Variants in NEK2 observed in about 807,000 individuals in gnomAD.
The protein encoded by NEK2 is serine/threonine-protein kinase Nek2.
Under a neutral mutation model 54.1 loss-of-function variants are expected in NEK2, and 28 were observed. The observed-to-expected ratio is 0.52, with a 90% CI of 0.38 to 0.71. NEK2 has a LOEUF of 0.71. NEK2 is among the 30% of genes least tolerant of loss of function. The pLI is 0.00. For synonymous variants in NEK2, 176 were observed against 193.1 expected (o/e 0.91, Z 0.73); for missense variants, 407 against 531.5 (o/e 0.77, Z 2.30).
rs1655465491 is a variant in NEK2, at chr1:211,673,482, C to T, written c.555+1G>A. On this transcript the variant is annotated splice_donor_variant, in intron 3 of 7. Transcript: ENST00000366999. LOFTEE classifies it high-confidence loss of function. ...AAGTAGCTAAATTCTGAAATACTTA[C>T]AGGAGACATGTAATAAGGTGTGCCA... 1 of 1,613,388 alleles carries T rather than the reference C, an allele frequency of 6.2e-7. No homozygotes were observed. Among genetic ancestry groups the T allele is most frequent in the Non-Finnish European group, 8.5e-7 (1 of 1,179,356 alleles).
In NEK2 at chr1:211,668,815, C is replaced by T. The variant is rs762154244; in HGVS notation, c.985+298G>A. On this transcript the variant is annotated intron_variant, in intron 6 of 7. Coordinates refer to ENST00000366999, the MANE Select transcript of NEK2 (RefSeq NM_002497.4). ...AACATTAGGGTATTCACAGTAGAGA[C>T]GAAAAAGAAAAAAGTAACTCTAGAG... Among the ~76,000 whole-genome samples the T allele has an allele frequency of 1.9e-4, 29 of 151,574 alleles. 1 individual carries two copies. Among genetic ancestry groups the T allele is most frequent in the South Asian group, 1.0e-3 (5 of 4,788 alleles).
chr1:211,662,370 C>T (rs1037114218), downstream of NEK2, among the ~76,000 whole-genome samples: 7 of 152,164 alleles, frequency 4.6e-5, no homozygotes, highest in Non-Finnish European at 7.3e-5. The surrounding 1 kb of genome is among the most constrained non-coding windows in gnomAD (Gnocchi z 4.2). Flanking sequence ...GGATTTTGGT[C>T]TTTCAGGATT....
chr1:211,661,374 G>A (rs375711296), downstream of NEK2: 3 of 349,072 alleles, frequency 8.6e-6, no homozygotes, highest in East Asian at 6.1e-5. Context: ...AATGCATTGG[G>A]CTGAATGGAA....
At chr1:211,660,814 C>G (rs1655001764), downstream of NEK2, 2 of 704,140 alleles carry the variant, frequency 2.8e-6, no homozygotes, top group South Asian at 2.8e-5. Context: ...CTGCTCCCAA[C>G]AACAGAGCTT....
intron 5 of NEK2, among the ~76,000 whole-genome samples, 154 bp downstream of exon 5, chr1:211,670,127 T>C (rs1655323913): frequency 6.6e-6 from 1 of 152,200 alleles, no homozygotes; most frequent in East Asian, 1.9e-4. Flanking sequence ...TTTGCCAAAT[T>C]TACATATGTT....
chr1:211,673,188 C>T (rs189022892), intron 3 of NEK2, among the ~76,000 whole-genome samples: 51 of 152,140 alleles, frequency 3.4e-4, no homozygotes, highest in Non-Finnish European at 5.6e-4. Flanking sequence ...GTGAGCAGAT[C>T]GCTTGAGGTC....
intron 7 of NEK2, 98 bp downstream of exon 7, chr1:211,667,008 T>C: frequency 6.5e-7 from 1 of 1,548,890 alleles, no homozygotes; most frequent in Non-Finnish European, 8.7e-7. Context: ...TTGAGATTTG[T>C]AAATGAAAAG....
At chr1:211,661,193 G>A (rs1655010325), downstream of NEK2, 2 of 731,614 alleles carry the variant, frequency 2.7e-6, no homozygotes, top group Non-Finnish European at 2.6e-6. Context: ...TCCGGGAGAA[G>A]TGCTGAATGA....
At chr1:211,667,339 G>A in intron 6 of NEK2, 108 bp from the exon 7 acceptor site, 2 of 1,048,100 alleles carry the variant, frequency 1.9e-6, no homozygotes, top group East Asian at 5.1e-5. Flanking sequence ...ATACTGATAA[G>A]CAATGTTTGG....
intron 3 of NEK2, among the ~76,000 whole-genome samples, chr1:211,671,515 T>G (rs1393900686): frequency 6.6e-6 from 1 of 152,228 alleles, no homozygotes; most frequent in East Asian, 1.9e-4. Flanking sequence ...GTGCTTAGTA[T>G]AGACTAGGCA....
At chr1:211,658,275 ATATT>A (rs1354217077), downstream of NEK2, among the ~76,000 whole-genome samples, 3 of 152,090 alleles carry the variant, frequency 2.0e-5, no homozygotes, top group Non-Finnish European at 4.4e-5. Flanking sequence ...TCTTTAAAAG[ATATT>A]TATTTACTTT....
chr1:211,672,913 C>T (rs74137759), intron 3 of NEK2, among the ~76,000 whole-genome samples: 378 of 152,050 alleles, frequency 2.5e-3, no homozygotes, highest in African/African-American at 8.7e-3. Flanking sequence ...AGATGACAAA[C>T]GGCGCAAACC....
rs894513245 is a variant in NEK2, at chr1:211,667,249, A to G, written c.986-18T>C. On this transcript the variant is annotated intron_variant, in intron 6 of 7. Transcript: ENST00000366999. ...TTCTTTCTCTTTAAAAAGAGAATGG[A>G]CAAAGAAAAAAAAATTAACAACTGA... The G allele has an allele frequency of 6.4e-7, 1 of 1,565,008 alleles. No individual in the cohort carries two copies. The highest frequency in any genetic ancestry group is 8.6e-7 in the Non-Finnish European group (1 of 1,157,780).
chr1:211,673,622 T>C lies in NEK2; in HGVS notation c.416A>G (p.His139Arg), dbSNP rs746620317. The change falls in exon 3 of 8, where the codon CAT (histidine) becomes CGT (arginine). Residue 139 changes from histidine to arginine, a missense_variant. Coordinates refer to ENST00000366999, the MANE Select transcript of NEK2 (RefSeq NM_002497.4). ...RRSDGGHTVL[H>R]RDLKPANVFL... ...AACATTGGCTGGTTTCAGATCCCGA[T>C]GCAATACGGTATGACCACCATCACT... The C allele has an allele frequency of 1.3e-5, 21 of 1,614,090 alleles. No individual in the cohort carries two copies. In the Admixed American group the frequency reaches 1.5e-4, roughly 12 times the overall value.
Position 211,663,402 on chromosome 1 carries a change from A to T in NEK2, c.*24T>A, listed in dbSNP as rs753773137. 6.3e-7 allele frequency: 1 copy of T among 1,596,700 alleles called. No homozygotes were observed. Among genetic ancestry groups the T allele is most frequent in the Non-Finnish European group, 8.6e-7 (1 of 1,169,478 alleles). On this transcript the variant is annotated 3_prime_UTR_variant, in exon 8 of 8. Transcript: ENST00000366999. ...AGGTTGGTAATATTACATCCTGTACACAGCTCTGTGTCTCTCTACCTGGCT... is the reference window on the plus strand; with the variant it reads ...AGGTTGGTAATATTACATCCTGTACTCAGCTCTGTGTCTCTCTACCTGGCT...
chr1:211,670,955 T>C (rs1273121190), intron 4 of NEK2, among the ~76,000 whole-genome samples: 6 of 152,240 alleles, frequency 3.9e-5, no homozygotes, highest in Admixed American at 6.5e-5. Context: ...TAAGTGTCAA[T>C]CTAATAAGAA....
chr1:211,658,497 A>G (rs1473738494), downstream of NEK2, among the ~76,000 whole-genome samples: 3 of 151,986 alleles, frequency 2.0e-5, no homozygotes, highest in African/African-American at 7.2e-5. Flanking sequence ...ATAAAGAAAT[A>G]GGTCATAAAG....
At chr1:211,664,927 G>A (rs767869768) in intron 7 of NEK2, among the ~76,000 whole-genome samples, 7 of 152,198 alleles carry the variant, frequency 4.6e-5, no homozygotes, top group Non-Finnish European at 4.4e-5. Context: ...AGCCTTGGAC[G>A]CCTCGGCTTA....
intron 2 of NEK2, 139 bp from the exon 3 acceptor site, chr1:211,673,862 T>C: frequency 1.1e-6 from 1 of 935,772 alleles, no homozygotes; most frequent in Non-Finnish European, 1.5e-6. Flanking sequence ...TCTTACTCTG[T>C]CACCCAGGCT....
Sources: gnomAD v4.1 joint callset for allele counts (sites outside exome capture counted in the v4.1 genomes callset) on GRCh38, gnomAD v4.1.1 for gene constraint, Gnocchi (gnomAD v3.1) non-coding constraint, MANE v1.5 for transcripts, NCBI Gene and HGNC (gene_info 2026-07-23, HGNC 2026-07-21) for gene names.